BBS5: variants seen among roughly 807,000 people sequenced by gnomAD.
The protein encoded by BBS5 is Bardet-Biedl syndrome 5, also known as BBSome complex member BBS5.
Under a neutral mutation model 50.2 loss-of-function variants are expected in BBS5, and 39 were observed. The observed-to-expected ratio is 0.78, with a 90% CI of 0.60 to 1.01. BBS5 has a LOEUF of 1.01. Ranked by LOEUF, BBS5 falls within the 50% of genes least tolerant of loss-of-function variation. The pLI, the probability that BBS5 is intolerant of heterozygous loss-of-function variation, is 0.00. For missense variants in BBS5, 356 were observed against 401.5 expected, an observed-to-expected ratio of 0.89 and a Z score of 0.97; for synonymous variants, 134 against 133.1, an observed-to-expected ratio of 1.01 and a Z score of -0.05.
rs1314579861 is a variant in BBS5 at position 169,492,940 on chromosome 2, A to G, written c.453A>G (p.Gln151=). The change falls in exon 6 of 12, where the codon CAA becomes CAG. Residue 151 remains glutamine (Q), a synonymous_variant. Transcript: ENST00000295240. ...GAAGTGCACTAATTCAGAACAAGCA[A>G]CTAAGACTGTTGCCACAAGAACATG... ...KLRSALIQNK[Q]LRLLPQEHVY... is the part of the protein sequence containing the mutation. 5 of 1,613,170 alleles carry G rather than the reference A, an allele frequency of 3.1e-6. No homozygotes were observed. Among genetic ancestry groups the G allele is most frequent in the Non-Finnish European group, 4.2e-6 (5 of 1,179,382 alleles).
rs1239718786 is a variant in BBS5, at chr2:169,503,405, AG to A, written c.900+228del. On this transcript the variant is annotated intron_variant, in intron 10 of 11. Transcript: ENST00000295240. ...CCAGGTGCAGTGGCTCACACCTGTA[AG>A]CCCGGCACTTTGGAAGGCCGAGGTA... Among the ~76,000 whole-genome samples, 9 of 152,316 alleles carry A rather than the reference AG, an allele frequency of 5.9e-5. No homozygotes were observed. The East Asian group carries it at 1.7e-3, about 29-fold the overall frequency.
At chr2:169,501,184 TG>T (rs1683794423) in intron 9 of BBS5, among the ~76,000 whole-genome samples, 1 of 152,208 alleles carries the variant, frequency 6.6e-6, no homozygotes, top group Admixed American at 6.5e-5. Context: ...GCTGATTTAT[TG>T]ATTTGTTTAC....
chr2:169,482,248 T>G lies in BBS5; in HGVS notation c.60-3T>G. 1 of 1,596,118 alleles carries G rather than the reference T, an allele frequency of 6.3e-7. No homozygotes were observed. Among genetic ancestry groups the G allele is most frequent in the Non-Finnish European group, 8.6e-7 (1 of 1,163,722 alleles). ...AAAATTCAAACCTTTATATTCACTT[T>G]AGGCAAATGAAAACAAGACCTGGAG... On this transcript the variant is annotated splice_polypyrimidine_tract_variant and splice_region_variant and intron_variant, in intron 1 of 11. Coordinates refer to ENST00000295240, the MANE Select transcript of BBS5 (RefSeq NM_152384.3).
intron 9 of BBS5, among the ~76,000 whole-genome samples, chr2:169,501,907 T>C (rs1314125085): frequency 1.3e-5 from 2 of 152,186 alleles, no homozygotes; most frequent in African/African-American, 4.8e-5. Flanking sequence ...GACCCCAGTA[T>C]ATAATAGCAG....
intron 7 of BBS5, among the ~76,000 whole-genome samples, chr2:169,494,804 G>T (rs1238894831): frequency 1.3e-5 from 2 of 152,104 alleles, no homozygotes; most frequent in Non-Finnish European, 2.9e-5. Flanking sequence ...ATTATCCTAT[G>T]ATAATTGCCC....
chr2:169,504,152 T>G, intron 10 of BBS5, 151 bp from the exon 11 acceptor site: 1 of 729,648 alleles, frequency 1.4e-6, no homozygotes, highest in Non-Finnish European at 2.4e-6. Flanking sequence ...CTACCAGCAT[T>G]GTAGAGATAG....
intron 1 of BBS5, 107 bp from the exon 2 acceptor site, chr2:169,482,144 A>G (rs1683407859): frequency 1.3e-6 from 1 of 782,132 alleles, no homozygotes. Context: ...GTACAGTATT[A>G]TTTATGCTGT....
intron 7 of BBS5, among the ~76,000 whole-genome samples, chr2:169,494,823 G>A (rs370684592): frequency 2.0e-5 from 3 of 152,062 alleles, no homozygotes; most frequent in African/African-American, 7.2e-5. Flanking sequence ...CCTTATTGTA[G>A]GATATATAGT....
rs191248600 is a variant in BBS5, at chr2:169,506,615, C to G, written c.*2033C>G. 2.5e-4 allele frequency: 38 copies of G among 152,202 alleles called. No individual in the cohort carries two copies. Among genetic ancestry groups the G allele is most frequent in the African/African-American group, 9.2e-4 (38 of 41,484 alleles). 9.4% of individuals were successfully genotyped at this position (152,202 alleles called of 1,614,324 possible). A position where few individuals can be genotyped will look rare whatever the true frequency, so the allele number is the denominator to read the frequency against. The stretch of plus-strand genomic sequence containing the variant: ...GTCTTAGTTTTCAGACATTAAGTGA[C>G]TGTATCATGTTCGGTTTAATAAAGA... On this transcript the variant is annotated 3_prime_UTR_variant, in exon 12 of 12. Coordinates refer to ENST00000295240, the MANE Select transcript of BBS5 (RefSeq NM_152384.3).
intron 10 of BBS5, 109 bp downstream of exon 10, chr2:169,503,287 G>A (rs1683842396): frequency 1.2e-6 from 1 of 856,434 alleles, no homozygotes; most frequent in Non-Finnish European, 1.9e-6. Context: ...TTTTGATGGT[G>A]TCTTAAACCT....
Position 169,482,299 on chromosome 2 carries a change from C to T in BBS5, c.108C>T (p.Ser36=), listed in dbSNP as rs16823066. Reference sequence around the variant, plus strand: ...AAGTCCTTATTGATTGTTTAGATTCCATTGAAGACACCAAAGGAAATAATG... The same window carrying T: ...AAGTCCTTATTGATTGTTTAGATTCTATTGAAGACACCAAAGGAAATAATG... ...PGEVLIDCLD[S]IEDTKGNNGD... The change falls in exon 2 of 12, where the codon TCC becomes TCT. Residue 36 remains serine (S), a synonymous_variant. Coordinates refer to ENST00000295240, the MANE Select transcript of BBS5 (RefSeq NM_152384.3). 5.0e-3 allele frequency: 7,992 copies of T among 1,607,916 alleles called. 349 individuals carry two copies. The African/African-American group carries it at 0.094, about 19-fold the overall frequency.
intron 1 of BBS5, 66 bp downstream of exon 1, chr2:169,479,678 C>A: frequency 6.4e-7 from 1 of 1,571,566 alleles, no homozygotes; most frequent in Non-Finnish European, 8.7e-7. Context: ...GCGTTAGGGA[C>A]CCGCGGGCGG....
chr2:169,494,032 C>G (rs1309476599), intron 7 of BBS5, among the ~76,000 whole-genome samples, 196 bp downstream of exon 7: 1 of 152,096 alleles, frequency 6.6e-6, no homozygotes, highest in African/African-American at 2.4e-5. Flanking sequence ...GTACTGCATT[C>G]CAGAGAAGCA....
intron 5 of BBS5, 108 bp downstream of exon 5, chr2:169,488,222 A>G (rs971371744): frequency 9.2e-7 from 1 of 1,089,326 alleles, no homozygotes; most frequent in Non-Finnish European, 1.4e-6. Context: ...CATGGAAGAC[A>G]GTTTTTCCAC....
chr2:169,500,509 C>A (rs969911146), intron 9 of BBS5, among the ~76,000 whole-genome samples: 1 of 152,316 alleles, frequency 6.6e-6, no homozygotes, highest in African/African-American at 2.4e-5. Context: ...GCTGTCTGTT[C>A]TTTTACTGGC....
chr2:169,482,394 T>A (rs530160610), intron 2 of BBS5, 61 bp downstream of exon 2: 1 of 1,065,886 alleles, frequency 9.4e-7, no homozygotes, highest in African/African-American at 1.6e-5. Context: ...TTGAATCATA[T>A]TAGCTAGAGA....
chr2:169,501,988 C>T (rs990533623), intron 9 of BBS5, among the ~76,000 whole-genome samples: 1 of 152,116 alleles, frequency 6.6e-6, no homozygotes, highest in African/African-American at 2.4e-5. Context: ...AGGATCTTCC[C>T]TGACTATTCT....
chr2:169,484,521 T>C (rs1683458396), intron 2 of BBS5, among the ~76,000 whole-genome samples: 1 of 152,048 alleles, frequency 6.6e-6, no homozygotes, highest in African/African-American at 2.4e-5. Context: ...TCTAGCCATC[T>C]CCCTCCCCTC....
rs750675292 is a variant in BBS5, at chr2:169,493,742, G to T, written c.524G>T (p.Gly175Val). Residue 175 changes from glycine to valine, a missense_variant and splice_region_variant, in exon 7 of 12, where the codon GGC (glycine) becomes GTC (valine). Transcript: ENST00000295240. ...NGVWNLSSDQ[G>V]NLGTFFITNV... is the part of the protein sequence containing the mutation. Reference sequence around the variant, plus strand: ...GTATCTCATTACTGTTTTTTACAGGGCAATTTAGGAACCTTTTTTATTACC... The same window carrying T: ...GTATCTCATTACTGTTTTTTACAGGTCAATTTAGGAACCTTTTTTATTACC... 6.2e-7 allele frequency: 1 copy of T among 1,606,342 alleles called. No individual in the cohort carries two copies. The highest frequency in any genetic ancestry group is 8.5e-7 in the Non-Finnish European group (1 of 1,173,066).
Sources: gnomAD v4.1 joint callset for allele counts (sites outside exome capture counted in the v4.1 genomes callset) on GRCh38, gnomAD v4.1.1 for gene constraint, MANE v1.5 for transcripts, NCBI Gene and HGNC (gene_info 2026-07-23, HGNC 2026-07-21) for gene names.